PDHA1: variants seen among roughly 807,000 people sequenced by gnomAD.
The protein encoded by PDHA1 is pyruvate dehydrogenase E1 subunit alpha 1, also known as pyruvate dehydrogenase E1 component subunit alpha, somatic form, mitochondrial.
In PDHA1, 1 loss-of-function variant was observed where a neutral mutation model predicts 33.0. The observed-to-expected ratio is 0.03, with a 90% CI of 0.01 to 0.14. The LOEUF (loss-of-function observed/expected upper bound fraction) is 0.14. Among genes scored for constraint, PDHA1 ranks in the 10% least tolerant of loss-of-function variants. The pLI is 1.00. For missense variants in PDHA1, 168 were observed against 325.1 expected (o/e 0.52, Z 3.72); for synonymous variants, 123 against 119.2 (o/e 1.03, Z -0.21).
rs753124944 is a variant in PDHA1, at chrX:19,359,630, A to C, written c.1150A>C (p.Ile384Leu). The C allele has an allele frequency of 1.7e-6, 2 of 1,211,037 alleles. No homozygotes were observed. The highest frequency in any genetic ancestry group is 3.5e-5 in the South Asian group (2 of 56,974). ...PFEVRGANQW[I>L]KFKSVS ...TGAAGTTCGTGGTGCCAATCAGTGG[A>C]TCAAGTTTAAGTCAGTCAGTTAAGG... Residue 384 changes from isoleucine to leucine, a missense_variant, in exon 11 of 11, where the codon ATC (isoleucine) becomes CTC (leucine). Ile to Leu is a conservative substitution (Grantham distance 5). Transcript: ENST00000422285.
chrX:19,344,719 G>A (rs2063119411), intron 1 of PDHA1, among the ~76,000 whole-genome samples: 2 of 112,756 alleles, frequency 1.8e-5, no homozygotes, highest in Admixed American at 9.3e-5. Context: ...GTTGTCTTGA[G>A]GATTCAACGA....
Position 19,357,640 on chromosome X carries a change from G to T in PDHA1, c.832-12G>T. ...TTCCTAACTAACTAACTGCCTACCG[G>T]TTCTGTTTTAGGGGCCCATCCTGAT... On this transcript the variant is annotated splice_polypyrimidine_tract_variant and intron_variant, in intron 8 of 10. Coordinates refer to ENST00000422285, the MANE Select transcript of PDHA1 (RefSeq NM_000284.4). The T allele has an allele frequency of 1.7e-6, 2 of 1,202,102 alleles. No homozygotes were observed. The highest frequency in any genetic ancestry group is 3.5e-5 in the South Asian group (2 of 56,758).
At chrX:19,354,968 G>A (rs1389877089) in intron 6 of PDHA1, among the ~76,000 whole-genome samples, 1 of 112,699 alleles carries the variant, frequency 8.9e-6, no homozygotes, top group African/African-American at 3.2e-5. Flanking sequence ...TTGTTACCGA[G>A]TAATCCCCAG....
chrX:19,359,743 T>A lies in PDHA1; in HGVS notation c.*90T>A, dbSNP rs147338122. The A allele has an allele frequency of 4.8e-4, 414 of 866,122 alleles. 1 individual carries two copies. In the African/African-American group the frequency reaches 6.0e-3, roughly 13 times the overall value. The allele number at this position is 866,122 out of a possible 1,213,427, so 71.4% of individuals were successfully genotyped here. A position where few individuals can be genotyped will look rare whatever the true frequency, so the allele number is the denominator to read the frequency against. On this transcript the variant is annotated 3_prime_UTR_variant, in exon 11 of 11. Transcript: ENST00000422285. ...GAGGAAGAAAACCCAGTCAATGAAATTCAATGAAATTCTTGGAAACTTCCA... is the reference window on the plus strand; with the variant it reads ...GAGGAAGAAAACCCAGTCAATGAAAATCAATGAAATTCTTGGAAACTTCCA...
intron 9 of PDHA1, among the ~76,000 whole-genome samples, chrX:19,358,422 TTC>T (rs1350241951): frequency 1.5e-4 from 17 of 111,884 alleles, no homozygotes; most frequent in Non-Finnish European, 1.9e-5. Flanking sequence ...CTGGCTGTGC[TTC>T]TTTAGGGGGA....
chrX:19,344,785 G>A (rs1014813318), intron 1 of PDHA1, among the ~76,000 whole-genome samples: 2 of 112,726 alleles, frequency 1.8e-5, no homozygotes, highest in African/African-American at 6.4e-5. Flanking sequence ...GATAACATGT[G>A]TGTTGAATAG....
In PDHA1 at chrX:19,360,849, A is replaced by T. The variant is rs1455654040; in HGVS notation, c.*1196A>T. The T allele has an allele frequency of 4.3e-6, 5 of 1,153,240 alleles. No individual in the cohort carries two copies. The highest frequency in any genetic ancestry group is 5.9e-6 in the Non-Finnish European group (5 of 850,858). The stretch of plus-strand genomic sequence containing the variant: ...GAGACCACCCCTGGGAAACAAACAC[A>T]GCTGTCTTCAGAGTCAGTGCTTCAA... On this transcript the variant is annotated 3_prime_UTR_variant, in exon 11 of 11. Transcript: ENST00000422285.
chrX:19,359,411 A>AGGTCCTCAGCAGAAC (rs2063242089), intron 10 of PDHA1, 78 bp from the exon 11 acceptor site: 2 of 817,090 alleles, frequency 2.4e-6, no homozygotes, highest in Non-Finnish European at 3.7e-6. Flanking sequence ...CACCAGCAAC[A>AGGTCCTCAGCAGAAC]GGTCCTCAGC....
At position 19,360,022 on chromosome X, in the gene PDHA1, CGCTGGT is replaced by C. The variant is rs1431961300; in HGVS notation, c.*374_*379del. 3.9e-6 allele frequency: 1 copy of C among 254,356 alleles called. No homozygotes were observed. The highest frequency in any genetic ancestry group is 7.0e-6 in the Non-Finnish European group (1 of 143,182). The allele number at this position is 254,356 out of a possible 1,213,427, so 21.0% of individuals were successfully genotyped here. On this transcript the variant is annotated 3_prime_UTR_variant, in exon 11 of 11. Coordinates refer to ENST00000422285, the MANE Select transcript of PDHA1 (RefSeq NM_000284.4). Reference sequence around the variant, plus strand: ...CAACCATAGCACCCACCCCGAGCAGCGCTGGTGCTGCAGCCTGTTCGCGCTGACCAT... The same window carrying C: ...CAACCATAGCACCCACCCCGAGCAGCGCTGCAGCCTGTTCGCGCTGACCAT...
chrX:19,350,527 A>G (rs1010157671), intron 3 of PDHA1, among the ~76,000 whole-genome samples: 2 of 112,415 alleles, frequency 1.8e-5, no homozygotes, highest in Non-Finnish European at 3.8e-5. Flanking sequence ...TGGCCTCCCA[A>G]GGTGCTAGGA....
chrX:19,346,642 G>A, intron 1 of PDHA1: 3 of 939,005 alleles, frequency 3.2e-6, no homozygotes, highest in Non-Finnish European at 4.0e-6. Flanking sequence ...ATTTATCTCA[G>A]GCTTAAAGAT....
Position 19,360,715 on chromosome X carries a change from G to A in PDHA1, c.*1062G>A, listed in dbSNP as rs945503431. The A allele has an allele frequency of 2.8e-6, 3 of 1,081,269 alleles. No homozygotes were observed. Among genetic ancestry groups the A allele is most frequent in the South Asian group, 3.8e-5 (2 of 53,210 alleles). The allele number at this position is 1,081,269 out of a possible 1,213,427, so 89.1% of individuals were successfully genotyped here. On this transcript the variant is annotated 3_prime_UTR_variant, in exon 11 of 11. Transcript: ENST00000422285. Reference sequence around the variant, plus strand: ...AAGCTTTAACAAAACATGTAGCGTGGTGGGACACTCTGCCACAGCTTAGCT... The same window carrying A: ...AAGCTTTAACAAAACATGTAGCGTGATGGGACACTCTGCCACAGCTTAGCT...
At chrX:19,344,730 G>A (rs1452958573) in intron 1 of PDHA1, among the ~76,000 whole-genome samples, 3 of 113,051 alleles carry the variant, frequency 2.7e-5, no homozygotes, top group Non-Finnish European at 3.7e-5. Flanking sequence ...GATTCAACGA[G>A]TGACACGTGT....
rs1434339863 is a variant in PDHA1, at chrX:19,360,705, A to T, written c.*1052A>T. ...ACACTAACAGAAGCTTTAACAAAAC[A>T]TGTAGCGTGGTGGGACACTCTGCCA... On this transcript the variant is annotated 3_prime_UTR_variant, in exon 11 of 11. Coordinates refer to ENST00000422285, the MANE Select transcript of PDHA1 (RefSeq NM_000284.4). 7.8e-6 allele frequency: 8 copies of T among 1,019,869 alleles called. No homozygotes were observed. The East Asian group carries it at 1.8e-4, about 23-fold the overall frequency. The allele number at this position is 1,019,869 out of a possible 1,213,427, so 84.0% of individuals were successfully genotyped here.
rs1450329853 is a variant in PDHA1, at chrX:19,360,146, C to T, written c.*493C>T. ...AATCATTCCAATTTTGTAATCATTT[C>T]AAAGGCCACATAACTTAGTTTTCTC... On this transcript the variant is annotated 3_prime_UTR_variant, in exon 11 of 11. Transcript: ENST00000422285. 2 of 154,964 alleles carry T rather than the reference C, an allele frequency of 1.3e-5. No homozygotes were observed. The highest frequency in any genetic ancestry group is 3.1e-5 in the African/African-American group (1 of 31,788). The allele number at this position is 154,964 out of a possible 1,213,427, so 12.8% of individuals were successfully genotyped here. A position where few individuals can be genotyped will look rare whatever the true frequency, so the allele number is the denominator to read the frequency against.
rs781094210 is a variant in PDHA1, at chrX:19,359,789, G to C, written c.*136G>C. On this transcript the variant is annotated 3_prime_UTR_variant, in exon 11 of 11. Coordinates refer to ENST00000422285, the MANE Select transcript of PDHA1 (RefSeq NM_000284.4). The stretch of plus-strand genomic sequence containing the variant: ...TTCCATTAAGTGTGTAGATTGAGCA[G>C]GTAGTAATTGCATGCAGTTTGTACA... 3 of 562,270 alleles carry C rather than the reference G, an allele frequency of 5.3e-6. No individual in the cohort carries two copies. Among genetic ancestry groups the C allele is most frequent in the Non-Finnish European group, 9.1e-6 (3 of 330,437 alleles). The allele number at this position is 562,270 out of a possible 1,213,427, so 46.3% of individuals were successfully genotyped here. A position where few individuals can be genotyped will look rare whatever the true frequency, so the allele number is the denominator to read the frequency against.
intron 3 of PDHA1, among the ~76,000 whole-genome samples, chrX:19,350,600 C>T (rs1043815977): frequency 1.2e-4 from 13 of 112,509 alleles, no homozygotes; most frequent in African/African-American, 4.2e-4. Flanking sequence ...AGTAGAATGC[C>T]AAAACCTGCT....
intron 8 of PDHA1, chrX:19,357,406 T>C: frequency 2.5e-6 from 1 of 399,435 alleles, no homozygotes; most frequent in Non-Finnish European, 4.4e-6. Context: ...TTCAAAGCCT[T>C]TTTGATTCAA....
intron 3 of PDHA1, among the ~76,000 whole-genome samples, chrX:19,350,325 G>A (rs1461836838): frequency 8.9e-6 from 1 of 111,972 alleles, no homozygotes; most frequent in Non-Finnish European, 1.9e-5. Context: ...TTAGAGTACA[G>A]TGTGATCTTG....
Sources: allele counts gnomAD v4.1 joint callset (sites outside exome capture counted in the v4.1 genomes callset), GRCh38; gene constraint gnomAD v4.1.1; transcripts MANE v1.5; gene names NCBI Gene and HGNC (gene_info 2026-07-23, HGNC 2026-07-21).